The following SLC2A13 variants were observed in gnomAD, a reference collection of about 807,000 sequenced individuals.
SLC2A13 encodes solute carrier family 2 member 13.
Under a neutral mutation model 64.4 loss-of-function variants are expected in SLC2A13, and 32 were observed. That is an observed-to-expected ratio of 0.50 (90% CI 0.37 to 0.67). The LOEUF is 0.67. Among genes scored for constraint, SLC2A13 ranks in the 30% least tolerant of loss-of-function variants. SLC2A13 has a pLI of 0.00. For synonymous variants in SLC2A13, 338 were observed against 327.1 expected, an observed-to-expected ratio of 1.03 and a Z score of -0.36; for missense variants, 743 against 829.2, an observed-to-expected ratio of 0.90 and a Z score of 1.28.
At chr12:39,992,661 C>T (rs1439250430) in intron 3 of SLC2A13, among the ~76,000 whole-genome samples, 3 of 152,024 alleles carry the variant, frequency 2.0e-5, no homozygotes, top group South Asian at 4.2e-4. Context: ...GCTCAACAAG[C>T]TTGGAGTACT....
At chr12:40,064,968 C>T (rs1937667153) in intron 1 of SLC2A13, among the ~76,000 whole-genome samples, 1 of 151,988 alleles carries the variant, frequency 6.6e-6, no homozygotes, top group Non-Finnish European at 1.5e-5. Context: ...TATTGATATC[C>T]TTAAGTGATG....
intron 4 of SLC2A13, among the ~76,000 whole-genome samples, chr12:39,906,162 T>G (rs2136029515): frequency 6.6e-6 from 1 of 152,276 alleles, no homozygotes; most frequent in South Asian, 2.1e-4. Flanking sequence ...TGAGTTCATC[T>G]TAGCACAGCT....
At chr12:40,102,422 G>A (rs1436615928) in intron 1 of SLC2A13, among the ~76,000 whole-genome samples, 1 of 151,818 alleles carries the variant, frequency 6.6e-6, no homozygotes, top group African/African-American at 2.4e-5. Context: ...GACCAGCAAT[G>A]GAATTTGGAT....
intron 1 of SLC2A13, among the ~76,000 whole-genome samples, chr12:40,080,799 G>A (rs1485222637): frequency 1.3e-5 from 2 of 152,242 alleles, no homozygotes; most frequent in Non-Finnish European, 2.9e-5. Flanking sequence ...TATAGTGTCA[G>A]TGGGCTAGGT....
intron 6 of SLC2A13, among the ~76,000 whole-genome samples, chr12:39,837,182 G>T (rs1295088474): frequency 6.8e-6 from 1 of 146,928 alleles, no homozygotes; most frequent in East Asian, 2.0e-4. Flanking sequence ...CAGAAATAAT[G>T]CCACATACCT....
intron 7 of SLC2A13, among the ~76,000 whole-genome samples, chr12:39,776,703 T>A (rs979643079): frequency 5.3e-5 from 8 of 149,958 alleles, no homozygotes; most frequent in African/African-American, 2.0e-4. Context: ...TAGATTTCCA[T>A]GAGGTAGGGA....
At chr12:39,960,466 T>C (rs1443739806) in intron 3 of SLC2A13, among the ~76,000 whole-genome samples, 1 of 152,110 alleles carries the variant, frequency 6.6e-6, no homozygotes, top group Non-Finnish European at 1.5e-5. Flanking sequence ...CTGCAACCTC[T>C]GCCTTCAGGT....
At chr12:39,842,887 CCT>C (rs1943213068) in intron 6 of SLC2A13, among the ~76,000 whole-genome samples, 2 of 151,946 alleles carry the variant, frequency 1.3e-5, no homozygotes, top group African/African-American at 4.8e-5. Flanking sequence ...TTGTTTCTGG[CCT>C]CTTTCACCCA....
At chr12:39,778,620 T>C (rs1399977470) in intron 7 of SLC2A13, among the ~76,000 whole-genome samples, 1 of 152,216 alleles carries the variant, frequency 6.6e-6, no homozygotes, top group African/African-American at 2.4e-5. Context: ...TAACGTATTA[T>C]TACATTAAAT....
rs573823140 is a variant in SLC2A13, at chr12:39,932,782, A to C, written c.1034+18475T>G. Among the ~76,000 whole-genome samples the C allele has an allele frequency of 2.6e-5, 4 of 152,256 alleles. No individual in the cohort carries two copies. The South Asian group carries it at 8.3e-4, about 32-fold the overall frequency. Reference sequence around the variant, plus strand: ...TTTCTAGCAGAAGGGAAAGCAACTGAAAAGCCTCTAAGTTGAGAACAAATC... The same window carrying C: ...TTTCTAGCAGAAGGGAAAGCAACTGCAAAGCCTCTAAGTTGAGAACAAATC... On this transcript the variant is annotated intron_variant, in intron 4 of 9. Coordinates refer to ENST00000280871, the MANE Select transcript of SLC2A13 (RefSeq NM_052885.4).
At chr12:39,994,924 A>G (rs1303918242) in intron 3 of SLC2A13, among the ~76,000 whole-genome samples, 1 of 152,272 alleles carries the variant, frequency 6.6e-6, no homozygotes, top group Admixed American at 6.5e-5. Flanking sequence ...GTGAACAGGC[A>G]TATCAACAGG....
At chr12:39,835,931 G>C (rs1476618346) in intron 6 of SLC2A13, among the ~76,000 whole-genome samples, 1 of 152,090 alleles carries the variant, frequency 6.6e-6, no homozygotes, top group Non-Finnish European at 1.5e-5. Flanking sequence ...AGCTGAGCCT[G>C]GTTTTTAAAT....
intron 7 of SLC2A13, among the ~76,000 whole-genome samples, chr12:39,809,842 C>CT (rs1218931200): frequency 6.6e-6 from 1 of 152,084 alleles, no homozygotes; most frequent in Non-Finnish European, 1.5e-5. Context: ...TGAACTCATC[C>CT]TTTTTTATGG....
At chr12:39,868,851 A>G (rs1023575447) in intron 5 of SLC2A13, among the ~76,000 whole-genome samples, 37 of 152,216 alleles carry the variant, frequency 2.4e-4, no homozygotes, top group African/African-American at 8.9e-4. Context: ...CATGGACTAC[A>G]TATTTTGTAC....
chr12:39,867,440 A>G (rs749270035), intron 5 of SLC2A13, among the ~76,000 whole-genome samples: 2 of 152,058 alleles, frequency 1.3e-5, no homozygotes. Context: ...CATTTTCGCA[A>G]TGTTGGCTAT....
intron 7 of SLC2A13, among the ~76,000 whole-genome samples, chr12:39,774,299 T>C (rs1287918083): frequency 6.6e-6 from 1 of 152,166 alleles, no homozygotes. Flanking sequence ...ACCCAAGTTA[T>C]AAGAAATTCT....
intron 3 of SLC2A13, among the ~76,000 whole-genome samples, chr12:39,987,489 TAAC>T: frequency 6.6e-6 from 1 of 152,134 alleles, no homozygotes; most frequent in East Asian, 1.9e-4. Context: ...CCCAAAATAA[TAAC>T]AATAACCTGT....
intron 9 of SLC2A13, among the ~76,000 whole-genome samples, chr12:39,761,361 G>C (rs1423865470): frequency 2.0e-5 from 3 of 152,026 alleles, no homozygotes; most frequent in Admixed American, 1.3e-4. Context: ...ATGGTTGAGA[G>C]AGAGACTTGA....
intron 6 of SLC2A13, among the ~76,000 whole-genome samples, chr12:39,844,243 T>C (rs1158356949): frequency 6.6e-6 from 1 of 152,090 alleles, no homozygotes; most frequent in Admixed American, 6.6e-5. Flanking sequence ...TTTCTACTTA[T>C]TGAGAACTTT....
Sources: allele counts gnomAD v4.1 joint callset (sites outside exome capture counted in the v4.1 genomes callset), GRCh38; gene constraint gnomAD v4.1.1; transcripts MANE v1.5; gene names NCBI Gene and HGNC (gene_info 2026-07-23, HGNC 2026-07-21).